Variants in CCDC180 observed in about 807,000 individuals in gnomAD.
The protein encoded by CCDC180 is coiled-coil domain containing 180.
CCDC180 carries 154 observed loss-of-function variants against 209.2 expected under a neutral mutation model. The observed-to-expected ratio is 0.74, with a 90% CI of 0.65 to 0.84. The LOEUF is 0.84. CCDC180 is among the 40% of genes least tolerant of loss of function. The pLI is 0.00. For synonymous variants in CCDC180, 778 were observed against 749.1 expected (o/e 1.04, Z -0.63); for missense variants, 1,874 against 1,997.3 (o/e 0.94, Z 1.18).
chr9:97,375,136 C>A (rs1168431349), intron 35 of CCDC180, among the ~76,000 whole-genome samples: 1 of 152,104 alleles, frequency 6.6e-6, no homozygotes, highest in East Asian at 1.9e-4. Flanking sequence ...AAAAGCATAC[C>A]AGGCACTGGT....
In CCDC180 at chr9:97,360,032, A is replaced by C. The variant is rs779779154; in HGVS notation, c.3414A>C (p.Lys1138Asn). ...GCTTCGTCCAAACTTGGAAGGAAAAACTGAGCCAGAGGATTCAGTACCTTA... is the reference window on the plus strand; with the variant it reads ...GCTTCGTCCAAACTTGGAAGGAAAACCTGAGCCAGAGGATTCAGTACCTTA... ...LLSFVQTWKEKLSQRIQYLNC... is the reference protein window; with the variant it reads ...LLSFVQTWKENLSQRIQYLNC... The change falls in exon 26 of 37, where the codon AAA (lysine) becomes AAC (asparagine). Residue 1138 changes from lysine (K) to asparagine (N), a missense_variant. Transcript: ENST00000529487. 7.4e-6 allele frequency: 12 copies of C among 1,613,478 alleles called. No individual in the cohort carries two copies. Among genetic ancestry groups the C allele is most frequent in the African/African-American group, 1.3e-5 (1 of 74,854 alleles).
chr9:97,341,597 C>G (rs952563199), intron 18 of CCDC180, among the ~76,000 whole-genome samples: 2 of 152,156 alleles, frequency 1.3e-5, no homozygotes, highest in African/African-American at 4.8e-5. Flanking sequence ...CAGTCGGCCC[C>G]TACTAGGAGG....
At chr9:97,314,331 G>A (rs984441140) in intron 5 of CCDC180, 62 bp from the exon 6 acceptor site, 6 of 1,601,068 alleles carry the variant, frequency 3.7e-6, no homozygotes, top group African/African-American at 2.7e-5. Flanking sequence ...CCATGACAGG[G>A]AAGGCTCCCT....
intron 18 of CCDC180, among the ~76,000 whole-genome samples, chr9:97,339,582 C>T (rs1483542584): frequency 2.0e-5 from 3 of 152,168 alleles, no homozygotes. Flanking sequence ...TCTCTGGCTG[C>T]TCTTGGCATT....
At position 97,326,537 on chromosome 9, in the gene CCDC180, T is replaced by G; in HGVS notation, c.1546-17T>G. The G allele has an allele frequency of 6.7e-7, 1 of 1,482,112 alleles. No homozygotes were observed. Among genetic ancestry groups the G allele is most frequent in the Non-Finnish European group, 9.4e-7 (1 of 1,059,906 alleles). 91.8% of individuals were successfully genotyped at this position (1,482,112 alleles called of 1,614,324 possible). On this transcript the variant is annotated splice_polypyrimidine_tract_variant and intron_variant, in intron 14 of 36. Transcript: ENST00000529487. ...GAGGTCACATCTGCTTCCTCTTGTTTTGGGGGTGGCTTCCAGGTGCAGGAG... is the reference window on the plus strand; with the variant it reads ...GAGGTCACATCTGCTTCCTCTTGTTGTGGGGGTGGCTTCCAGGTGCAGGAG...
chr9:97,345,465 T>A, intron 19 of CCDC180: 1 of 352,766 alleles, frequency 2.8e-6, no homozygotes, highest in South Asian at 2.3e-5. Flanking sequence ...AGTATGATAT[T>A]GTATACCTTT....
chr9:97,313,449 A>G lies in CCDC180; in HGVS notation c.459+104A>G, dbSNP rs1240264898. The G allele has an allele frequency of 5.5e-6, 4 of 729,624 alleles. No homozygotes were observed. In the Admixed American group the frequency reaches 8.8e-5, roughly 16 times the overall value. 45.2% of individuals were successfully genotyped at this position (729,624 alleles called of 1,614,324 possible). On this transcript the variant is annotated intron_variant, in intron 5 of 36. Coordinates refer to ENST00000529487, the MANE Select transcript of CCDC180 (RefSeq NM_020893.6). ...CCCCCTCTCCAGCAGAGAGGTCCTC[A>G]GGGGCTCACAGAGCCTTAGACGACA...
chr9:97,356,436 C>T (rs1348809073), intron 24 of CCDC180, among the ~76,000 whole-genome samples: 4 of 152,182 alleles, frequency 2.6e-5, no homozygotes, highest in Non-Finnish European at 5.9e-5. Context: ...AAAAGCAATT[C>T]CTAATATTAT....
chr9:97,354,623 CCGA>C lies in CCDC180; in HGVS notation c.3059_3061del (p.Arg1020del). Reference sequence around the variant, plus strand: ...CTAAAGAAATCAATTCACTGTGTTCCCGACTGGAGAAGGAAGCTGCCCGGATAG... The same window carrying C: ...CTAAAGAAATCAATTCACTGTGTTCCCTGGAGAAGGAAGCTGCCCGGATAG... On this transcript the variant is annotated inframe_deletion, in exon 23 of 37. Transcript: ENST00000529487. 1 of 1,614,174 alleles carries C rather than the reference CCGA, an allele frequency of 6.2e-7. No homozygotes were observed. The highest frequency in any genetic ancestry group is 8.5e-7 in the Non-Finnish European group (1 of 1,180,016).
chr9:97,324,874 G>A, intron 13 of CCDC180, 145 bp from the exon 14 acceptor site: 1 of 698,594 alleles, frequency 1.4e-6, no homozygotes, highest in Non-Finnish European at 2.3e-6. Context: ...CAAGAGCACA[G>A]GTGTGGCCTA....
chr9:97,376,098 C>T (rs1019793376), intron 36 of CCDC180: 2 of 158,050 alleles, frequency 1.3e-5, no homozygotes, highest in African/African-American at 4.8e-5. Context: ...CTTAAAGAAA[C>T]TTGTCCCTTC....
intron 34 of CCDC180, chr9:97,374,180 C>G (rs191104313): frequency 9.8e-5 from 19 of 193,762 alleles, no homozygotes; most frequent in Non-Finnish European, 1.9e-4. Context: ...CGTGTTTGTT[C>G]CAGGGGAGGT....
chr9:97,343,711 CA>C (rs1826162299), intron 19 of CCDC180, 148 bp downstream of exon 19: 1 of 658,612 alleles, frequency 1.5e-6, no homozygotes, highest in Non-Finnish European at 2.5e-6. Flanking sequence ...GTGAGAAACA[CA>C]ATAAAAAATG....
Position 97,366,796 on chromosome 9 carries a change from T to A in CCDC180, c.4189+96T>A. 1.3e-5 allele frequency: 17 copies of A among 1,308,388 alleles called. No individual in the cohort carries two copies. The highest frequency in any genetic ancestry group is 2.5e-5 in the East Asian group (1 of 40,510). 81.0% of individuals were successfully genotyped at this position (1,308,388 alleles called of 1,614,324 possible). ...GCCTTGTGGCCTGGATCCTCCCCTCTGGGGGAGGCAGAAGAGCTTCCCTGT... is the reference window on the plus strand; with the variant it reads ...GCCTTGTGGCCTGGATCCTCCCCTCAGGGGGAGGCAGAAGAGCTTCCCTGT... On this transcript the variant is annotated intron_variant, in intron 31 of 36. Coordinates refer to ENST00000529487, the MANE Select transcript of CCDC180 (RefSeq NM_020893.6). This position sits in a 1 kb window ranked among gnomAD's most constrained non-coding sequence, Gnocchi z 4.3.
At chr9:97,312,885 T>C (rs1260127253) in intron 4 of CCDC180, among the ~76,000 whole-genome samples, 1 of 152,106 alleles carries the variant, frequency 6.6e-6, no homozygotes, top group Non-Finnish European at 1.5e-5. Flanking sequence ...AGCCACCTCT[T>C]GGCCTCAGCA....
intron 25 of CCDC180, 76 bp downstream of exon 25, chr9:97,357,801 C>T (rs1424624372): frequency 8.1e-7 from 1 of 1,236,982 alleles, no homozygotes. Flanking sequence ...AATAAATTTA[C>T]CTGTGTGTAT....
At chr9:97,345,234 C>T (rs776818969) in intron 19 of CCDC180, among the ~76,000 whole-genome samples, 1 of 152,172 alleles carries the variant, frequency 6.6e-6, no homozygotes, top group Non-Finnish European at 1.5e-5. Flanking sequence ...ACTGTTGACT[C>T]ACAGAGTGTG....
chr9:97,326,030 C>T (rs1246245109), intron 14 of CCDC180, among the ~76,000 whole-genome samples: 3 of 152,216 alleles, frequency 2.0e-5, no homozygotes, highest in Admixed American at 6.5e-5. Flanking sequence ...AAGGGGAAGA[C>T]ACTCCAAGTT....
chr9:97,349,076 T>G (rs1341506151), intron 20 of CCDC180, 35 bp from the exon 21 acceptor site: 1 of 1,521,360 alleles, frequency 6.6e-7, no homozygotes, highest in South Asian at 1.2e-5. Context: ...GTGAATCGGG[T>G]CCCCGGGGCC....
Sources: allele counts gnomAD v4.1 joint callset (sites outside exome capture counted in the v4.1 genomes callset), GRCh38; gene constraint gnomAD v4.1.1; non-coding constraint Gnocchi (gnomAD v3.1); transcripts MANE v1.5; gene names NCBI Gene and HGNC (gene_info 2026-07-23, HGNC 2026-07-21).